Variants in MYO1E observed in about 807,000 individuals in gnomAD.
MYO1E encodes the protein unconventional myosin-Ie.
A neutral mutation model predicts 151.1 loss-of-function variants in MYO1E; 68 were observed. The ratio of observed to expected loss-of-function variants is 0.45; its 90% CI spans 0.37 to 0.55. The LOEUF is 0.55. Among genes scored for constraint, MYO1E ranks in the 20% least tolerant of loss-of-function variants. The probability of loss-of-function intolerance (pLI) is 0.00; values close to 1 mark genes in which losing one functional copy is unlikely to be tolerated. For missense variants in MYO1E, 1,363 were observed against 1,389.3 expected, an observed-to-expected ratio of 0.98 and a Z score of 0.30; for synonymous variants, 601 against 501.7, an observed-to-expected ratio of 1.20 and a Z score of -2.64.
chr15:59,326,162 C>G (rs1462807952), intron 1 of MYO1E, among the ~76,000 whole-genome samples: 1 of 150,936 alleles, frequency 6.6e-6, no homozygotes, highest in Non-Finnish European at 1.5e-5. Context: ...AAAAAAAAAA[C>G]CCAGACAGCT....
intron 18 of MYO1E, among the ~76,000 whole-genome samples, chr15:59,180,054 G>A (rs1378926828): frequency 2.6e-5 from 4 of 152,200 alleles, no homozygotes; most frequent in African/African-American, 7.2e-5. Context: ...AGCTGGTTGC[G>A]ACTCAGGTGA....
chr15:59,244,199 A>T, intron 4 of MYO1E, among the ~76,000 whole-genome samples: 1 of 152,240 alleles, frequency 6.6e-6, no homozygotes, highest in South Asian at 2.1e-4. Flanking sequence ...GTTGTCAAGC[A>T]AACAAAATTT....
intron 9 of MYO1E, among the ~76,000 whole-genome samples, chr15:59,222,021 G>A (rs1272200771): frequency 6.6e-6 from 1 of 152,068 alleles, no homozygotes; most frequent in Non-Finnish European, 1.5e-5. Flanking sequence ...ATGATTATTA[G>A]GTCATGTTTT....
intron 2 of MYO1E, among the ~76,000 whole-genome samples, chr15:59,263,325 G>C (rs1225397702): frequency 3.3e-5 from 5 of 152,132 alleles, no homozygotes; most frequent in Non-Finnish European, 7.4e-5. Context: ...AATAATTATA[G>C]AACACTCAGC....
At chr15:59,221,509 C>T (rs537477400) in intron 9 of MYO1E, among the ~76,000 whole-genome samples, 19 of 152,246 alleles carry the variant, frequency 1.2e-4, no homozygotes, top group African/African-American at 4.6e-4. Flanking sequence ...GAAGGGAGAA[C>T]TTTCACTGCA....
chr15:59,212,207 A>C (rs1187606292), intron 12 of MYO1E, among the ~76,000 whole-genome samples: 2 of 151,984 alleles, frequency 1.3e-5, no homozygotes, highest in African/African-American at 4.8e-5. Context: ...ACCCATATGG[A>C]AACTACCAAA....
intron 22 of MYO1E, among the ~76,000 whole-genome samples, chr15:59,169,897 C>T (rs938334228): frequency 1.3e-5 from 2 of 152,136 alleles, no homozygotes; most frequent in Admixed American, 1.3e-4. Context: ...CGGTGGCTCA[C>T]GCCTCTAATC....
At chr15:59,357,388 T>C (rs1036118717) in intron 1 of MYO1E, among the ~76,000 whole-genome samples, 2 of 151,330 alleles carry the variant, frequency 1.3e-5, no homozygotes, top group South Asian at 2.1e-4. Context: ...AAGATCTTTA[T>C]AGATAAAGTG....
intron 15 of MYO1E, among the ~76,000 whole-genome samples, chr15:59,202,749 G>C (rs962165681): frequency 6.6e-6 from 1 of 152,106 alleles, no homozygotes; most frequent in African/African-American, 2.4e-5. Flanking sequence ...TTAGGTTTTT[G>C]TTTTGTTTTT....
At position 59,218,053 on chromosome 15, in the gene MYO1E, G is replaced by C. The variant is rs766495506; in HGVS notation, c.945C>G (p.Asn315Lys). 1.9e-6 allele frequency: 3 copies of C among 1,614,172 alleles called. No homozygotes were observed. Among genetic ancestry groups the C allele is most frequent in the South Asian group, 1.1e-5 (1 of 91,086 alleles). The change falls in exon 10 of 28, where the codon AAC (asparagine) becomes AAG (lysine). Residue 315 changes from asparagine to lysine, a missense_variant. Coordinates refer to ENST00000288235, the MANE Select transcript of MYO1E (RefSeq NM_004998.4). The part of the protein sequence containing the change: ...LAFPAYLLGI[N>K]QDRLKEKLTS... ...TTAGCTTTTCTTTCAACCGGTCCTG[G>C]TTTATCCCTAGCAGATATGCAGGAA...
intron 1 of MYO1E, among the ~76,000 whole-genome samples, chr15:59,276,455 G>A (rs1234658362): frequency 5.3e-5 from 8 of 152,204 alleles, no homozygotes; most frequent in East Asian, 1.9e-4. Flanking sequence ...CGACATGAAC[G>A]TAATAATAAC....
intron 14 of MYO1E, chr15:59,207,931 G>C (rs2079850702): frequency 6.2e-7 from 1 of 1,613,962 alleles, no homozygotes; most frequent in Non-Finnish European, 8.5e-7. Context: ...GGGCCTCTAT[G>C]GAATAGATGA....
At chr15:59,203,206 G>A (rs963758932) in intron 15 of MYO1E, among the ~76,000 whole-genome samples, 7 of 152,126 alleles carry the variant, frequency 4.6e-5, no homozygotes, top group Non-Finnish European at 7.4e-5. Context: ...GGCCGAGGAG[G>A]GCGCCTCTTC....
chr15:59,294,905 A>G (rs2080440231), intron 1 of MYO1E, among the ~76,000 whole-genome samples: 1 of 152,130 alleles, frequency 6.6e-6, no homozygotes, highest in Non-Finnish European at 1.5e-5. Flanking sequence ...TGCATGTTCA[A>G]TCTAGTCCAT....
chr15:59,295,647 A>T (rs1351430102), intron 1 of MYO1E, among the ~76,000 whole-genome samples: 1 of 152,172 alleles, frequency 6.6e-6, no homozygotes, highest in Non-Finnish European at 1.5e-5. Flanking sequence ...AGTGTTTCAC[A>T]ACTTAGCCGT....
intron 1 of MYO1E, among the ~76,000 whole-genome samples, chr15:59,344,793 G>C (rs538663830): frequency 6.6e-6 from 1 of 152,126 alleles, no homozygotes; most frequent in African/African-American, 2.4e-5. Context: ...GGCCCACGGG[G>C]AGTGCTGCCA....
At chr15:59,137,601 A>G (rs1333922708) in intron 27 of MYO1E, 145 bp from the exon 28 acceptor site, 2 of 729,162 alleles carry the variant, frequency 2.7e-6, no homozygotes, top group Admixed American at 4.1e-5. Context: ...GTTTGTTGAA[A>G]AAAGTAAGAT....
At chr15:59,303,320 T>A (rs1453530621) in intron 1 of MYO1E, among the ~76,000 whole-genome samples, 1 of 151,970 alleles carries the variant, frequency 6.6e-6, no homozygotes, top group African/African-American at 2.4e-5. Context: ...GAGCCTGAGA[T>A]GGGAGAATCA....
chr15:59,291,855 T>C (rs192914479), intron 1 of MYO1E, among the ~76,000 whole-genome samples: 5 of 151,952 alleles, frequency 3.3e-5, no homozygotes, highest in Admixed American at 6.6e-5. Flanking sequence ...GGGATCTAAA[T>C]AGACAACAAA....
Sources: allele counts gnomAD v4.1 joint callset (sites outside exome capture counted in the v4.1 genomes callset), GRCh38; gene constraint gnomAD v4.1.1; transcripts MANE v1.5; gene names NCBI Gene and HGNC (gene_info 2026-07-23, HGNC 2026-07-21).